Variants in RPTOR observed in about 807,000 individuals in gnomAD.
The protein encoded by RPTOR is regulatory-associated protein of mTOR.
RPTOR carries 21 observed loss-of-function variants against 169.9 expected under a neutral mutation model. That is an observed-to-expected ratio of 0.12 (90% CI 0.09 to 0.18). The LOEUF (loss-of-function observed/expected upper bound fraction) is 0.18. Among genes scored for constraint, RPTOR ranks in the 10% least tolerant of loss-of-function variants. The pLI, the probability that RPTOR is intolerant of heterozygous loss-of-function variation, is 1.00. For missense variants in RPTOR, 1,133 were observed against 1,855.9 expected, an observed-to-expected ratio of 0.61 and a Z score of 7.16; for synonymous variants, 732 against 753.2, an observed-to-expected ratio of 0.97 and a Z score of 0.46.
chr17:80,894,095 C>T (rs1472240485), intron 20 of RPTOR, among the ~76,000 whole-genome samples: 1 of 151,934 alleles, frequency 6.6e-6, no homozygotes, highest in Non-Finnish European at 1.5e-5. Flanking sequence ...TGCTCCGGAG[C>T]CATCGGAGCT....
chr17:80,743,767 TCCTGGTTACTAGCAGAGC>T (rs2066514064), intron 5 of RPTOR, among the ~76,000 whole-genome samples: 7 of 84,616 alleles, frequency 8.3e-5, no homozygotes, highest in Admixed American at 3.2e-4. Context: ...ACTAGCACTC[TCCTGGTTACTAGCAGAGC>T]CCTGGCTACT....
At chr17:80,884,036 G>A in intron 16 of RPTOR, 64 bp downstream of exon 16, 1 of 1,525,780 alleles carries the variant, frequency 6.6e-7, no homozygotes, top group Non-Finnish European at 8.9e-7. Flanking sequence ...TAAGGCAGAG[G>A]TCTGCTCGCG....
chr17:80,643,742 G>A lies in RPTOR; in HGVS notation c.280G>A (p.Gly94Ser), dbSNP rs2065571328. Reference protein sequence around the residue: ...LECWIDPLSMGPQKALETIGA... With the variant: ...LECWIDPLSMSPQKALETIGA... ...TGCTTCCTCAGATCCTCTGTCGATGGGTCCTCAGAAAGCTCTGGAAACCAT... is the reference window on the plus strand; with the variant it reads ...TGCTTCCTCAGATCCTCTGTCGATGAGTCCTCAGAAAGCTCTGGAAACCAT... Residue 94 changes from glycine to serine, a missense_variant, in exon 3 of 34, where the codon GGT becomes AGT. Coordinates refer to ENST00000306801, the MANE Select transcript of RPTOR (RefSeq NM_020761.3). 5 of 1,613,170 alleles carry A rather than the reference G, an allele frequency of 3.1e-6. No homozygotes were observed. The highest frequency in any genetic ancestry group is 4.2e-6 in the Non-Finnish European group (5 of 1,179,636).
In RPTOR at chr17:80,720,024, G is replaced by A. The variant is rs143395513; in HGVS notation, c.508-10536G>A. On this transcript the variant is annotated intron_variant, in intron 4 of 33. Transcript: ENST00000306801. ...TCTGTTGAAAGATGGATCATGGGCC[G>A]GGCACGGTGGCTCACGCCTGTAATC... Among the ~76,000 whole-genome samples the A allele has an allele frequency of 3.1e-3, 471 of 152,186 alleles. 2 individuals carry two copies. The highest frequency in any genetic ancestry group is 0.011 in the African/African-American group (453 of 41,518).
chr17:80,892,916 GT>G (rs758045162), intron 19 of RPTOR, 47 bp downstream of exon 19: 14 of 1,594,174 alleles, frequency 8.8e-6, no homozygotes, highest in Non-Finnish European at 1.1e-5. Flanking sequence ...GATTGGGGTT[GT>G]TTTTTCTGAA....
intron 3 of RPTOR, among the ~76,000 whole-genome samples, chr17:80,692,845 G>A (rs1321034985): frequency 1.3e-5 from 2 of 152,224 alleles, no homozygotes; most frequent in African/African-American, 2.4e-5. Flanking sequence ...ACAAAATGAA[G>A]TTTATTGAAA....
rs1442906632 is a variant in RPTOR at position 80,660,257 on chromosome 17, C to T, written c.348+16447C>T. On this transcript the variant is annotated intron_variant, in intron 3 of 33. Coordinates refer to ENST00000306801, the MANE Select transcript of RPTOR (RefSeq NM_020761.3). Reference sequence around the variant, plus strand: ...CTGCACTCCAGCCTGGGCGGCAGAGCGAGACTGTGTCTCAAAAAAAAAAAA... The same window carrying T: ...CTGCACTCCAGCCTGGGCGGCAGAGTGAGACTGTGTCTCAAAAAAAAAAAA... 4.5e-5 allele frequency among the ~76,000 whole-genome samples: 6 copies of T among 134,554 alleles called. No homozygotes were observed. The East Asian group carries it at 1.2e-3, about 28-fold the overall frequency. 88.3% of individuals were successfully genotyped at this position (134,554 alleles called of 152,430 possible).
chr17:80,863,633 C>T (rs192651376), intron 13 of RPTOR, among the ~76,000 whole-genome samples: 34 of 152,306 alleles, frequency 2.2e-4, no homozygotes, highest in Admixed American at 1.0e-3. Flanking sequence ...AAACAGTACA[C>T]GGTTAGGCAC....
rs951131824 is a variant in RPTOR at position 80,721,016 on chromosome 17, C to T, written c.508-9544C>T. On this transcript the variant is annotated intron_variant, in intron 4 of 33. Coordinates refer to ENST00000306801, the MANE Select transcript of RPTOR (RefSeq NM_020761.3). This position sits in a 1 kb window ranked among gnomAD's most constrained non-coding sequence, Gnocchi z 4.7. ...CTTGTTTTCCATCTCTAATTTTAGC[C>T]GTCTAGGGCAGAAACAGTCCCGGGT... 2.0e-5 allele frequency among the ~76,000 whole-genome samples: 3 copies of T among 150,948 alleles called. No individual in the cohort carries two copies. Among genetic ancestry groups the T allele is most frequent in the Admixed American group, 6.6e-5 (1 of 15,220 alleles).
At position 80,893,881 on chromosome 17, in the gene RPTOR, C is replaced by T. The variant is rs370766376; in HGVS notation, c.2401+16C>T. The T allele has an allele frequency of 3.6e-5, 55 of 1,511,284 alleles. No individual in the cohort carries two copies. In the African/African-American group the frequency reaches 6.6e-4, roughly 18 times the overall value. 93.6% of individuals were successfully genotyped at this position (1,511,284 alleles called of 1,614,324 possible). ...TCCCTCATCGGTGAGTCCGCCTGCC[C>T]CTTTCTGCTTCCGAGGGGCCCCGAG... On this transcript the variant is annotated intron_variant, in intron 20 of 33. Transcript: ENST00000306801.
At chr17:80,665,258 G>T (rs948227758) in intron 3 of RPTOR, among the ~76,000 whole-genome samples, 1 of 151,778 alleles carries the variant, frequency 6.6e-6, no homozygotes, top group Non-Finnish European at 1.5e-5. Flanking sequence ...AGGCATGGGA[G>T]CCCCTCATTA....
intron 3 of RPTOR, among the ~76,000 whole-genome samples, chr17:80,652,234 G>A (rs1163673762): frequency 6.6e-6 from 1 of 151,468 alleles, no homozygotes; most frequent in African/African-American, 2.4e-5. Flanking sequence ...TTGTGCAACT[G>A]TCATAACTGT....
At chr17:80,900,548 T>C (rs1431134497) in intron 20 of RPTOR, among the ~76,000 whole-genome samples, 2 of 152,194 alleles carry the variant, frequency 1.3e-5, no homozygotes, top group Non-Finnish European at 2.9e-5. Context: ...ACTTCCAACC[T>C]CGGGTGATCT....
At chr17:80,836,136 G>T (rs1161254801) in intron 9 of RPTOR, among the ~76,000 whole-genome samples, 1 of 152,206 alleles carries the variant, frequency 6.6e-6, no homozygotes, top group Non-Finnish European at 1.5e-5. Flanking sequence ...CGGGCTCCCT[G>T]GTCAGGCCCT....
intron 6 of RPTOR, among the ~76,000 whole-genome samples, chr17:80,769,389 C>A (rs2066819469): frequency 6.6e-6 from 1 of 152,252 alleles, no homozygotes; most frequent in Non-Finnish European, 1.5e-5. Context: ...TTAAACCTTG[C>A]TTTAAGTACT....
chr17:80,896,088 A>G (rs1348172935), intron 20 of RPTOR, among the ~76,000 whole-genome samples: 1 of 151,740 alleles, frequency 6.6e-6, no homozygotes, highest in African/African-American at 2.4e-5. Context: ...TCAATGTCCT[A>G]AACATATTCT....
In RPTOR at chr17:80,803,339, G is replaced by A. The variant is rs910421411; in HGVS notation, c.890+11830G>A. 2.0e-5 allele frequency: 3 copies of A among 152,308 alleles called. No homozygotes were observed. The highest frequency in any genetic ancestry group is 4.4e-5 in the Non-Finnish European group (3 of 68,134). 9.4% of individuals were successfully genotyped at this position (152,308 alleles called of 1,614,324 possible). A position where few individuals can be genotyped will look rare whatever the true frequency, so the allele number is the denominator to read the frequency against. ...TGCTCAGGGTCACAGAGAGTCACAC[G>A]AGGGTCCCCTGTCGGTGGCGGAGCC... On this transcript the variant is annotated intron_variant, in intron 7 of 33. Transcript: ENST00000306801. This position sits in a 1 kb window ranked among gnomAD's most constrained non-coding sequence, Gnocchi z 6.2.
intron 1 of RPTOR, among the ~76,000 whole-genome samples, chr17:80,621,361 A>G (rs1444345841): frequency 6.6e-6 from 1 of 152,260 alleles, no homozygotes; most frequent in Non-Finnish European, 1.5e-5. Flanking sequence ...AAATTTAATT[A>G]GCTGCATTTG....
Position 80,884,990 on chromosome 17 carries a change from C to T in RPTOR, c.1843-18C>T, listed in dbSNP as rs547807752. On this transcript the variant is annotated intron_variant, in intron 16 of 33. Coordinates refer to ENST00000306801, the MANE Select transcript of RPTOR (RefSeq NM_020761.3). The stretch of plus-strand genomic sequence containing the variant: ...GGCCCGGTGTGGGACATGCCTGTGA[C>T]CCCCCGCCGCCTTGCAGGTCCGCTG... The T allele has an allele frequency of 3.1e-6, 5 of 1,602,050 alleles. No homozygotes were observed. The Admixed American group carries it at 6.8e-5, about 22-fold the overall frequency.
Sources: allele counts gnomAD v4.1 joint callset (sites outside exome capture counted in the v4.1 genomes callset), GRCh38; gene constraint gnomAD v4.1.1; non-coding constraint Gnocchi (gnomAD v3.1); transcripts MANE v1.5; gene names NCBI Gene and HGNC (gene_info 2026-07-23, HGNC 2026-07-21).